The following SF3A3 variants were observed in gnomAD, a reference collection of about 807,000 sequenced individuals.
SF3A3 encodes splicing factor 3a subunit 3.
SF3A3 carries 9 observed loss-of-function variants against 85.8 expected under a neutral mutation model. The observed-to-expected ratio is 0.10, with a 90% CI of 0.06 to 0.18. The LOEUF (loss-of-function observed/expected upper bound fraction) is 0.18. SF3A3 is among the 10% of genes least tolerant of loss of function. The pLI, the probability that SF3A3 is intolerant of heterozygous loss-of-function variation, is 1.00. For missense variants in SF3A3, 306 were observed against 593.3 expected, an observed-to-expected ratio of 0.52 and a Z score of 5.03; for synonymous variants, 195 against 204.4, an observed-to-expected ratio of 0.95 and a Z score of 0.39.
At chr1:37,981,458 C>A (rs1646418145) in intron 7 of SF3A3, among the ~76,000 whole-genome samples, 1 of 152,102 alleles carries the variant, frequency 6.6e-6, no homozygotes, top group Non-Finnish European at 1.5e-5. Context: ...ACACAGAAAT[C>A]CCAGAGTGGG....
At chr1:37,982,373 A>ATT (rs376912063) in intron 6 of SF3A3, among the ~76,000 whole-genome samples, 11 of 145,050 alleles carry the variant, frequency 7.6e-5, no homozygotes, top group Admixed American at 2.1e-4. Flanking sequence ...GTGATAAGCT[A>ATT]TTTTTTTTTT....
intron 12 of SF3A3, among the ~76,000 whole-genome samples, chr1:37,974,818 A>G (rs914939776): frequency 6.6e-6 from 1 of 152,184 alleles, no homozygotes; most frequent in African/African-American, 2.4e-5. Context: ...CTCCCTCATA[A>G]GCCATATTCC....
At chr1:37,977,615 G>C (rs1410345545) in intron 11 of SF3A3, among the ~76,000 whole-genome samples, 1 of 151,928 alleles carries the variant, frequency 6.6e-6, no homozygotes, top group African/African-American at 2.4e-5. Flanking sequence ...GAGGCAGGTG[G>C]ATCACCTGAG....
chr1:37,978,616 A>G (rs2148721676), intron 11 of SF3A3, 104 bp downstream of exon 11: 3 of 669,554 alleles, frequency 4.5e-6, no homozygotes, highest in East Asian at 2.7e-5. Context: ...CTGTCAACCA[A>G]TAACGGAGAT....
At chr1:37,966,209 A>G (rs1018819469) in intron 15 of SF3A3, among the ~76,000 whole-genome samples, 1 of 149,546 alleles carries the variant, frequency 6.7e-6, no homozygotes. Context: ...TCTCAAAAAA[A>G]TAAATAAATA....
chr1:37,974,101 G>T (rs937516445), intron 12 of SF3A3, among the ~76,000 whole-genome samples: 1 of 152,008 alleles, frequency 6.6e-6, no homozygotes, highest in Non-Finnish European at 1.5e-5. Context: ...GGACGGGGGA[G>T]GGATAGCATT....
At chr1:37,988,991 G>GT (rs1466137569) in intron 2 of SF3A3, among the ~76,000 whole-genome samples, 1 of 151,840 alleles carries the variant, frequency 6.6e-6, no homozygotes, top group African/African-American at 2.4e-5. Context: ...ACAGGATGCT[G>GT]TAAGAATGGG....
In SF3A3 at chr1:37,957,196, A is replaced by G. The variant is rs543440110; in HGVS notation, c.*990T>C. 1 of 152,094 alleles carries G rather than the reference A, an allele frequency of 6.6e-6. No individual in the cohort carries two copies. 9.4% of individuals were successfully genotyped at this position (152,094 alleles called of 1,614,324 possible). ...AACTCTACCCAACTCTACCATGGCT[A>G]CCTGGGATTGGAGAACATGTGAGTA... is the stretch of plus-strand genomic sequence containing the variant. On this transcript the variant is annotated 3_prime_UTR_variant, in exon 17 of 17. Transcript: ENST00000373019.
Position 37,983,586 on chromosome 1 carries a change from CAAAAAA to C in SF3A3, c.468+577_468+582del, listed in dbSNP as rs371317065. Among the ~76,000 whole-genome samples the C allele has an allele frequency of 1.5e-3, 58 of 38,472 alleles. 4 individuals carry two copies. The South Asian group carries it at 0.026, about 17-fold the overall frequency. The allele number at this position is 38,472 out of a possible 152,430, so 25.2% of individuals were successfully genotyped here. ...TGGGTGACAAAGTGAGACCCTGTCT[CAAAAAA>C]AAAAAAAAAAAAAAAAGATTTATTT... On this transcript the variant is annotated intron_variant, in intron 6 of 16. Coordinates refer to ENST00000373019, the MANE Select transcript of SF3A3 (RefSeq NM_006802.4).
chr1:37,983,208 G>A (rs553313485), intron 6 of SF3A3, among the ~76,000 whole-genome samples: 8 of 145,256 alleles, frequency 5.5e-5, no homozygotes, highest in Non-Finnish European at 1.2e-4. Flanking sequence ...AAAGTGCTAG[G>A]ATTACAGGCG....
chr1:37,963,474 T>C (rs1320400478), intron 15 of SF3A3, among the ~76,000 whole-genome samples: 2 of 151,852 alleles, frequency 1.3e-5, no homozygotes, highest in African/African-American at 2.4e-5. Context: ...ACAACATTCA[T>C]AGGGAGAAAC....
chr1:37,976,840 C>G (rs1328725848), intron 12 of SF3A3, 44 bp downstream of exon 12: 1 of 1,223,950 alleles, frequency 8.2e-7, no homozygotes, highest in East Asian at 2.3e-5. Flanking sequence ...CCTTTAACTC[C>G]TGTGCTTTAT....
intron 6 of SF3A3, 45 bp from the exon 7 acceptor site, chr1:37,981,856 T>C (rs372142001): frequency 2.4e-5 from 27 of 1,109,116 alleles, no homozygotes; most frequent in Non-Finnish European, 3.2e-5. Context: ...TAGGTATTTA[T>C]ACTGTAACAA....
rs191153466 is a variant in SF3A3 at position 37,973,866 on chromosome 1, T to C, written c.1005+3018A>G. Reference sequence around the variant, plus strand: ...TCAATAATAGACTGGATTAAGAAAATGTTGCACATATACACCATGGAATAC... The same window carrying C: ...TCAATAATAGACTGGATTAAGAAAACGTTGCACATATACACCATGGAATAC... On this transcript the variant is annotated intron_variant, in intron 12 of 16. Coordinates refer to ENST00000373019, the MANE Select transcript of SF3A3 (RefSeq NM_006802.4). Among the ~76,000 whole-genome samples the C allele has an allele frequency of 8.4e-3, 1,282 of 152,220 alleles. 11 individuals are homozygous for C. The highest frequency in any genetic ancestry group is 0.014 in the Non-Finnish European group (981 of 68,016).
chr1:37,986,038 T>C (rs1325437444), intron 4 of SF3A3, among the ~76,000 whole-genome samples: 1 of 150,956 alleles, frequency 6.6e-6, no homozygotes, highest in Non-Finnish European at 1.5e-5. Context: ...AACCTCCATG[T>C]CCTGGGTTCA....
At chr1:37,983,549 T>C (rs1173799579) in intron 6 of SF3A3, among the ~76,000 whole-genome samples, 3 of 114,096 alleles carry the variant, frequency 2.6e-5, no homozygotes, top group African/African-American at 1.1e-4. Flanking sequence ...ATCGCGCCAC[T>C]GCACTCCAGC....
At chr1:37,987,883 T>G in intron 2 of SF3A3, 47 bp from the exon 3 acceptor site, 1 of 1,499,506 alleles carries the variant, frequency 6.7e-7, no homozygotes, top group South Asian at 1.1e-5. Flanking sequence ...TTTGCACAAC[T>G]GTAGAGCTAA....
At chr1:37,989,693 T>C in intron 1 of SF3A3, 98 bp from the exon 2 acceptor site, 2 of 1,471,800 alleles carry the variant, frequency 1.4e-6, no homozygotes, top group Non-Finnish European at 1.9e-6. Flanking sequence ...TTTTACCAGC[T>C]GAGGCAGAAA....
chr1:37,978,354 A>G (rs1325796068), intron 11 of SF3A3, among the ~76,000 whole-genome samples: 1 of 152,052 alleles, frequency 6.6e-6, no homozygotes, highest in Non-Finnish European at 1.5e-5. Context: ...AAAAAAAAGA[A>G]AAAAGAAAAT....
Sources: allele counts gnomAD v4.1 joint callset (sites outside exome capture counted in the v4.1 genomes callset), GRCh38; gene constraint gnomAD v4.1.1; transcripts MANE v1.5; gene names NCBI Gene and HGNC (gene_info 2026-07-23, HGNC 2026-07-21).